RFX3: variants seen among roughly 807,000 people sequenced by gnomAD.
The protein encoded by RFX3 is transcription factor RFX3.
RFX3 carries 14 observed loss-of-function variants against 98.6 expected under a neutral mutation model. The ratio of observed to expected loss-of-function variants is 0.14; its 90% CI spans 0.09 to 0.22. The LOEUF (loss-of-function observed/expected upper bound fraction) is 0.22, where lower values mean the gene tolerates loss of function less well. Ranked by LOEUF, RFX3 falls within the 10% of genes least tolerant of loss-of-function variation. The pLI, the probability that RFX3 is intolerant of heterozygous loss-of-function variation, is 1.00. For synonymous variants in RFX3, 383 were observed against 328.4 expected, an observed-to-expected ratio of 1.17 and a Z score of -1.80; for missense variants, 639 against 926.9, an observed-to-expected ratio of 0.69 and a Z score of 4.03.
intron 1 of RFX3, among the ~76,000 whole-genome samples, chr9:3,408,650 CCACA>C (rs897896742): frequency 1.3e-5 from 2 of 151,258 alleles, no homozygotes; most frequent in African/African-American, 4.9e-5. Context: ...GCACACATGG[CCACA>C]CACACAGACA....
chr9:3,505,200 T>TTA (rs541112916), intron 1 of RFX3, among the ~76,000 whole-genome samples: 4 of 65,450 alleles, frequency 6.1e-5, no homozygotes, highest in African/African-American at 1.6e-4. Context: ...GAATATATAT[T>TTA]TATATATATA....
chr9:3,471,994 G>A (rs1848820501), intron 1 of RFX3, among the ~76,000 whole-genome samples: 2 of 152,224 alleles, frequency 1.3e-5, no homozygotes, highest in African/African-American at 4.8e-5. Flanking sequence ...GCACTGGCTG[G>A]CCATGTGGCC....
intron 1 of RFX3, among the ~76,000 whole-genome samples, chr9:3,444,164 T>C (rs950332507): frequency 4.6e-5 from 7 of 152,176 alleles, no homozygotes; most frequent in African/African-American, 1.7e-4. Context: ...ATAATTCAAT[T>C]ATCTACCAAC....
At chr9:3,522,893 TC>T (rs1332794686) in intron 1 of RFX3, among the ~76,000 whole-genome samples, 2 of 152,166 alleles carry the variant, frequency 1.3e-5, no homozygotes, top group African/African-American at 4.8e-5. Flanking sequence ...AATAAACTGT[TC>T]CAGGTTAAAG....
At chr9:3,239,753 T>C (rs986998984) in intron 15 of RFX3, among the ~76,000 whole-genome samples, 3 of 152,230 alleles carry the variant, frequency 2.0e-5, no homozygotes, top group Admixed American at 2.0e-4. Flanking sequence ...CTCTGCTTTG[T>C]GTTTTCCATT....
At chr9:3,298,776 T>A (rs1169467338) in intron 5 of RFX3, among the ~76,000 whole-genome samples, 1 of 151,820 alleles carries the variant, frequency 6.6e-6, no homozygotes, top group Non-Finnish European at 1.5e-5. Flanking sequence ...GGATTATTTA[T>A]CTTATTTAGT....
intron 2 of RFX3, among the ~76,000 whole-genome samples, chr9:3,384,732 G>T (rs1209202063): frequency 1.3e-5 from 2 of 152,060 alleles, no homozygotes; most frequent in Admixed American, 1.3e-4. Context: ...TTATTCATAA[G>T]CTCAAGATAC....
At chr9:3,260,138 G>C (rs574788728) in intron 13 of RFX3, among the ~76,000 whole-genome samples, 15 of 152,174 alleles carry the variant, frequency 9.9e-5, no homozygotes, top group African/African-American at 3.4e-4. Flanking sequence ...GCTGTGAAAA[G>C]TAAAATGTAG....
At chr9:3,493,261 T>C (rs919798219) in intron 1 of RFX3, among the ~76,000 whole-genome samples, 3 of 152,278 alleles carry the variant, frequency 2.0e-5, no homozygotes, top group Admixed American at 2.0e-4. Flanking sequence ...CTGTACCATA[T>C]GCTTCCTTTC....
intron 1 of RFX3, among the ~76,000 whole-genome samples, chr9:3,449,213 T>C (rs1377003130): frequency 6.6e-6 from 1 of 152,162 alleles, no homozygotes; most frequent in East Asian, 1.9e-4. Context: ...GACACTTAAT[T>C]TCCTTCTGTC....
intron 15 of RFX3, among the ~76,000 whole-genome samples, chr9:3,230,780 T>C (rs1050428689): frequency 2.6e-5 from 4 of 152,174 alleles, no homozygotes; most frequent in Non-Finnish European, 4.4e-5. Flanking sequence ...AAAAAGTGAG[T>C]ATTCTATTTG....
chr9:3,303,526 T>G (rs1458022798), intron 4 of RFX3, among the ~76,000 whole-genome samples: 1 of 151,966 alleles, frequency 6.6e-6, no homozygotes, highest in Non-Finnish European at 1.5e-5. Flanking sequence ...GATATTATAA[T>G]TTTTAATGAA....
At chr9:3,397,041 T>C (rs1343478745) in intron 1 of RFX3, among the ~76,000 whole-genome samples, 1 of 152,226 alleles carries the variant, frequency 6.6e-6, no homozygotes, top group Non-Finnish European at 1.5e-5. Context: ...CCATAACATT[T>C]AATACAGTTG....
intron 1 of RFX3, among the ~76,000 whole-genome samples, chr9:3,437,930 T>C (rs1432565454): frequency 2.0e-5 from 3 of 151,916 alleles, no homozygotes; most frequent in Non-Finnish European, 4.4e-5. Context: ...AAAGAATGGG[T>C]AGAGAGACAG....
At chr9:3,453,565 C>T (rs969589581) in intron 1 of RFX3, 4 of 152,514 alleles carry the variant, frequency 2.6e-5, no homozygotes, top group Non-Finnish European at 5.9e-5. Flanking sequence ...CAAAAATTAG[C>T]CAGACATGGT....
chr9:3,307,154 C>T (rs906215075), intron 4 of RFX3, among the ~76,000 whole-genome samples: 2 of 152,108 alleles, frequency 1.3e-5, no homozygotes, highest in East Asian at 3.9e-4. Context: ...TCCCCAGCCA[C>T]GATGAACTGT....
chr9:3,493,545 G>T (rs912969134), intron 1 of RFX3, among the ~76,000 whole-genome samples: 1 of 151,518 alleles, frequency 6.6e-6, no homozygotes, highest in Non-Finnish European at 1.5e-5. Flanking sequence ...TTTTCCGGGC[G>T]TGGTGGCACG....
intron 1 of RFX3, among the ~76,000 whole-genome samples, chr9:3,472,732 G>C (rs895106973): frequency 1.3e-5 from 2 of 152,172 alleles, no homozygotes; most frequent in African/African-American, 4.8e-5. Context: ...GAGTTACTGT[G>C]TCAGTGAAGA....
At chr9:3,395,817 C>A (rs185448389) in intron 1 of RFX3, among the ~76,000 whole-genome samples, 5 of 152,298 alleles carry the variant, frequency 3.3e-5, no homozygotes, top group Admixed American at 2.0e-4. Context: ...ATTAGCACCT[C>A]TTATCCTGAG....
Sources: allele counts gnomAD v4.1 joint callset (sites outside exome capture counted in the v4.1 genomes callset), GRCh38; gene constraint gnomAD v4.1.1; transcripts MANE v1.5; gene names NCBI Gene and HGNC (gene_info 2026-07-23, HGNC 2026-07-21).